NLGN1: variants seen among roughly 807,000 people sequenced by gnomAD.
NLGN1 encodes the protein neuroligin 1.
NLGN1 carries 12 observed loss-of-function variants against 65.5 expected under a neutral mutation model. That is an observed-to-expected ratio of 0.18 (90% CI 0.12 to 0.30). The LOEUF is 0.30. NLGN1 is among the 10% of genes least tolerant of loss of function. The pLI is 1.00. For missense variants in NLGN1, 750 were observed against 1,007.1 expected, an observed-to-expected ratio of 0.74 and a Z score of 3.46; for synonymous variants, 350 against 359.5, an observed-to-expected ratio of 0.97 and a Z score of 0.30.
At chr3:173,975,243 G>A (rs1438414181) in intron 4 of NLGN1, among the ~76,000 whole-genome samples, 1 of 151,972 alleles carries the variant, frequency 6.6e-6, no homozygotes, top group Admixed American at 6.6e-5. Flanking sequence ...AGGGAAAATA[G>A]GGAGTGAGTT....
At chr3:173,396,511 C>A (rs1396156037), upstream of NLGN1, 1 of 152,184 alleles carries the variant, frequency 6.6e-6, no homozygotes, top group African/African-American at 2.4e-5. Context: ...CTCCTCCCCA[C>A]GAAACGGAAT....
At chr3:173,429,005 G>A (rs981439610) in intron 1 of NLGN1, among the ~76,000 whole-genome samples, 7 of 152,042 alleles carry the variant, frequency 4.6e-5, no homozygotes, top group Non-Finnish European at 2.9e-5. Flanking sequence ...TCAGGTTAGT[G>A]ATCTTTGACC....
At chr3:174,199,489 G>A (rs562283720) in intron 4 of NLGN1, among the ~76,000 whole-genome samples, 2 of 138,326 alleles carry the variant, frequency 1.4e-5, no homozygotes, top group South Asian at 4.6e-4. Flanking sequence ...TTACAGAGGG[G>A]AGTAAGTCTG....
chr3:173,890,804 TA>T (rs1560570857), intron 4 of NLGN1, among the ~76,000 whole-genome samples: 1 of 152,192 alleles, frequency 6.6e-6, no homozygotes. Flanking sequence ...GCCAGTGCTC[TA>T]ATAAAAGCCT....
At chr3:174,142,584 A>T (rs946824991) in intron 4 of NLGN1, among the ~76,000 whole-genome samples, 1 of 152,216 alleles carries the variant, frequency 6.6e-6, no homozygotes, top group Non-Finnish European at 1.5e-5. Context: ...TGCTCTCCAC[A>T]GAGAATACAA....
At chr3:174,253,941 G>T (rs532891419) in intron 4 of NLGN1, among the ~76,000 whole-genome samples, 1 of 152,294 alleles carries the variant, frequency 6.6e-6, no homozygotes, top group East Asian at 1.9e-4. Flanking sequence ...GGGGGCTTCA[G>T]ACAGTACCTC....
At chr3:173,693,853 G>T (rs900958557) in intron 3 of NLGN1, among the ~76,000 whole-genome samples, 5 of 152,162 alleles carry the variant, frequency 3.3e-5, no homozygotes, top group South Asian at 2.1e-4. Flanking sequence ...GAAAGTTGAG[G>T]ATAGTGAATT....
chr3:173,425,255 A>G (rs745978442), intron 1 of NLGN1, among the ~76,000 whole-genome samples: 3 of 152,126 alleles, frequency 2.0e-5, no homozygotes, highest in Non-Finnish European at 4.4e-5. Context: ...ACAATTCACG[A>G]TGAGATTTGG....
chr3:173,791,197 A>G (rs1160034307), intron 3 of NLGN1, among the ~76,000 whole-genome samples: 3 of 152,188 alleles, frequency 2.0e-5, no homozygotes, highest in Non-Finnish European at 4.4e-5. Flanking sequence ...ATCCTGGGAA[A>G]TTGGCCCAGC....
chr3:173,820,047 G>C (rs1204346488), intron 4 of NLGN1, among the ~76,000 whole-genome samples: 2 of 152,098 alleles, frequency 1.3e-5, no homozygotes, highest in Admixed American at 1.3e-4. Flanking sequence ...GGGCGTGGTG[G>C]CTGCGCCTGT....
At chr3:173,972,104 A>T (rs142604342) in intron 4 of NLGN1, among the ~76,000 whole-genome samples, 61 of 152,226 alleles carry the variant, frequency 4.0e-4, no homozygotes, top group African/African-American at 1.4e-3. Flanking sequence ...ACGGGGCATA[A>T]AGCCTCTTAA....
At chr3:173,738,710 T>G (rs903436349) in intron 3 of NLGN1, among the ~76,000 whole-genome samples, 4 of 152,066 alleles carry the variant, frequency 2.6e-5, no homozygotes, top group African/African-American at 9.7e-5. Flanking sequence ...TGAGATCGTT[T>G]TGGCAATTTT....
chr3:173,717,545 G>A (rs1770075960), intron 3 of NLGN1, among the ~76,000 whole-genome samples: 1 of 152,072 alleles, frequency 6.6e-6, no homozygotes, highest in African/African-American at 2.4e-5. Flanking sequence ...TAAAAGTAGA[G>A]CAAAAATTTC....
chr3:173,489,546 C>G (rs1045986896), intron 2 of NLGN1, among the ~76,000 whole-genome samples: 3 of 152,112 alleles, frequency 2.0e-5, no homozygotes, highest in Non-Finnish European at 2.9e-5. Flanking sequence ...AATAAACATA[C>G]GTGTGCATGT....
At chr3:173,955,657 T>C (rs1711825183) in intron 4 of NLGN1, among the ~76,000 whole-genome samples, 2 of 152,126 alleles carry the variant, frequency 1.3e-5, no homozygotes, top group Non-Finnish European at 2.9e-5. Context: ...TAAACAAGAA[T>C]ATAAACAAGA....
intron 3 of NLGN1, among the ~76,000 whole-genome samples, chr3:173,761,366 A>G (rs1239570280): frequency 1.3e-5 from 2 of 151,988 alleles, no homozygotes; most frequent in African/African-American, 4.8e-5. Context: ...CTCAGAAGAA[A>G]GGTTGATTAG....
intron 2 of NLGN1, among the ~76,000 whole-genome samples, chr3:173,448,615 T>G (rs1720850812): frequency 6.6e-6 from 1 of 152,242 alleles, no homozygotes; most frequent in African/African-American, 2.4e-5. Context: ...TTCTATTGAC[T>G]GGAATAGTTT....
At chr3:173,707,657 A>G (rs963636728) in intron 3 of NLGN1, among the ~76,000 whole-genome samples, 66 of 152,294 alleles carry the variant, frequency 4.3e-4, no homozygotes, top group African/African-American at 1.5e-3. Context: ...TTTTGTGACC[A>G]TATGCATCCA....
intron 4 of NLGN1, among the ~76,000 whole-genome samples, chr3:173,966,929 G>A (rs1371583449): frequency 6.6e-6 from 1 of 152,140 alleles, no homozygotes; most frequent in Non-Finnish European, 1.5e-5. Context: ...TGATGACAAT[G>A]TTCAAATATC....
Sources: allele counts gnomAD v4.1 joint callset (sites outside exome capture counted in the v4.1 genomes callset), GRCh38; gene constraint gnomAD v4.1.1; transcripts MANE v1.5; gene names NCBI Gene and HGNC (gene_info 2026-07-23, HGNC 2026-07-21).